NAV2: variants seen among roughly 807,000 people sequenced by gnomAD.
The protein encoded by NAV2 is helicase, APC down-regulated 1.
A neutral mutation model predicts 223.2 loss-of-function variants in NAV2; 54 were observed. The observed-to-expected ratio is 0.24, with a 90% confidence interval of 0.19 to 0.30. The LOEUF is 0.30. Among genes scored for constraint, NAV2 ranks in the 10% least tolerant of loss-of-function variants. The pLI is 1.00. For synonymous variants in NAV2, 1,279 were observed against 1,239.3 expected (o/e 1.03, Z -0.67); for missense variants, 2,806 against 3,147.5 (o/e 0.89, Z 2.60).
chr11:19,954,889 G>C (rs1432688292), intron 10 of NAV2, among the ~76,000 whole-genome samples: 1 of 148,098 alleles, frequency 6.8e-6, no homozygotes, highest in Non-Finnish European at 1.5e-5. Flanking sequence ...GTGTGTGTAT[G>C]TATGTGTATA....
chr11:19,561,797 G>A (rs1469266151), intron 1 of NAV2, among the ~76,000 whole-genome samples: 1 of 152,198 alleles, frequency 6.6e-6, no homozygotes, highest in Admixed American at 6.5e-5. Flanking sequence ...GGGAGGTTAA[G>A]TGACTTGGCC....
chr11:19,396,492 C>T (rs1186159148), intron 1 of NAV2, among the ~76,000 whole-genome samples: 2 of 152,192 alleles, frequency 1.3e-5, no homozygotes, highest in African/African-American at 4.8e-5. Context: ...CTATCTGTGT[C>T]CTTCTGCTCT....
intron 1 of NAV2, among the ~76,000 whole-genome samples, chr11:19,571,325 C>T (rs1243546117): frequency 1.3e-5 from 2 of 152,206 alleles, no homozygotes; most frequent in African/African-American, 4.8e-5. Context: ...CACAGGCTTC[C>T]TTTTGGGATG....
chr11:19,585,922 G>A (rs943807777), intron 1 of NAV2, among the ~76,000 whole-genome samples: 3 of 152,100 alleles, frequency 2.0e-5, no homozygotes, highest in African/African-American at 7.2e-5. Flanking sequence ...TTTGAATATT[G>A]GCCTGCCTTG....
At chr11:19,654,061 A>G (rs1040347492) in intron 1 of NAV2, among the ~76,000 whole-genome samples, 2 of 152,234 alleles carry the variant, frequency 1.3e-5, no homozygotes, top group African/African-American at 2.4e-5. Context: ...TACAAAATCA[A>G]TGTGCAAAAA....
At chr11:19,630,674 C>T (rs2047316938) in intron 1 of NAV2, among the ~76,000 whole-genome samples, 1 of 152,024 alleles carries the variant, frequency 6.6e-6, no homozygotes, top group Non-Finnish European at 1.5e-5. Flanking sequence ...ATCACTTGAG[C>T]TCAGGAGTTT....
chr11:19,872,120 A>G (rs956356184), intron 4 of NAV2, among the ~76,000 whole-genome samples: 3 of 152,168 alleles, frequency 2.0e-5, no homozygotes, highest in African/African-American at 7.2e-5. Context: ...TACAAAAAGC[A>G]AGGGTACTTA....
At chr11:19,979,618 A>G (rs1476369487) in intron 10 of NAV2, among the ~76,000 whole-genome samples, 1 of 152,196 alleles carries the variant, frequency 6.6e-6, no homozygotes, top group East Asian at 1.9e-4. Context: ...TCATGCATTC[A>G]TCTGTTATAC....
intron 1 of NAV2, among the ~76,000 whole-genome samples, chr11:19,772,734 G>T (rs1376679714): frequency 6.6e-6 from 1 of 152,138 alleles, no homozygotes. Flanking sequence ...TCATGTGTGG[G>T]TGGAGAGGCG....
chr11:19,583,516 G>C (rs1349526924), intron 1 of NAV2, among the ~76,000 whole-genome samples: 1 of 152,192 alleles, frequency 6.6e-6, no homozygotes, highest in South Asian at 2.1e-4. Flanking sequence ...CTGTGGGTTT[G>C]TCATAGATAG....
intron 1 of NAV2, chr11:19,511,080 G>C (rs912529498): frequency 2.6e-5 from 4 of 152,208 alleles, no homozygotes; most frequent in Admixed American, 1.3e-4. Context: ...AGTCCAGGAG[G>C]TTCAAGGGAC....
At chr11:19,346,067 C>A (rs1253498171), upstream of NAV2, among the ~76,000 whole-genome samples, 1 of 152,128 alleles carries the variant, frequency 6.6e-6, no homozygotes, top group African/African-American at 2.4e-5. Flanking sequence ...TTAGGTGTAT[C>A]TATGAGCGCG....
chr11:19,350,820 A>G (rs1033406844), exon 1 of NAV2: 5 of 800,624 alleles, frequency 6.2e-6, no homozygotes, highest in Non-Finnish European at 1.1e-5. Context: ...ACCTTTGAAG[A>G]GGTGGTGCTG....
In NAV2 at chr11:19,667,820, C is replaced by T. The variant is rs535362079; in HGVS notation, c.76-164664C>T. ...GAACAGTGTCATGGTTAAAACAACACATTTCAGAAGCCAAAAGGAATTTCA... is the reference window on the plus strand; with the variant it reads ...GAACAGTGTCATGGTTAAAACAACATATTTCAGAAGCCAAAAGGAATTTCA... On this transcript the variant is annotated intron_variant, in intron 1 of 37. Coordinates refer to the NAV2 transcript ENST00000360655. Among the ~76,000 whole-genome samples the T allele has an allele frequency of 2.0e-5, 3 of 152,334 alleles. No individual in the cohort carries two copies. In the South Asian group the frequency reaches 6.2e-4, roughly 32 times the overall value.
At position 19,843,064 on chromosome 11, in the gene NAV2, A is replaced by G. The variant is rs1165235421; in HGVS notation, c.438+141A>G. ...AATAAACTCACAGCTATTTCCAAGT[A>G]GCTGTGTTCTGCTTTTCTGACATTT... On this transcript the variant is annotated intron_variant, in intron 3 of 37. Transcript: ENST00000349880. The G allele has an allele frequency of 5.1e-5, 35 of 688,684 alleles. No homozygotes were observed. In the Middle Eastern group the frequency reaches 7.5e-4, roughly 15 times the overall value. 42.7% of individuals were successfully genotyped at this position (688,684 alleles called of 1,614,324 possible). A position where few individuals can be genotyped will look rare whatever the true frequency, so the allele number is the denominator to read the frequency against.
intron 26 of NAV2, among the ~76,000 whole-genome samples, chr11:20,085,007 A>G (rs1235742531): frequency 2.0e-5 from 3 of 151,948 alleles, no homozygotes; most frequent in Non-Finnish European, 2.9e-5. Flanking sequence ...TGGTCAATAT[A>G]GTGAGACTCT....
intron 1 of NAV2, among the ~76,000 whole-genome samples, chr11:19,830,743 C>G (rs748130185): frequency 2.6e-5 from 4 of 152,180 alleles, no homozygotes; most frequent in Admixed American, 6.5e-5. Context: ...TGCTTCTTTT[C>G]CTTTTAATGT....
At chr11:19,512,647 C>T (rs1182730318) in intron 1 of NAV2, among the ~76,000 whole-genome samples, 1 of 152,170 alleles carries the variant, frequency 6.6e-6, no homozygotes, top group Non-Finnish European at 1.5e-5. Context: ...CTGAATAACT[C>T]GGGACCAGGT....
At chr11:19,353,566 G>T (rs1346327071) in intron 1 of NAV2, among the ~76,000 whole-genome samples, 1 of 152,166 alleles carries the variant, frequency 6.6e-6, no homozygotes, top group Non-Finnish European at 1.5e-5. Flanking sequence ...AGGACAATGG[G>T]GATTTTATTA....
Sources: gnomAD v4.1 joint callset for allele counts (sites outside exome capture counted in the v4.1 genomes callset) on GRCh38, gnomAD v4.1.1 for gene constraint, MANE v1.5 for transcripts, NCBI Gene and HGNC (gene_info 2026-07-23, HGNC 2026-07-21) for gene names.